Variants in HEATR5A observed in about 807,000 individuals in gnomAD.
HEATR5A encodes the protein HEAT repeat containing 5A.
Under a neutral mutation model 218.8 loss-of-function variants are expected in HEATR5A, and 178 were observed. The ratio of observed to expected loss-of-function variants is 0.81; its 90% confidence interval spans 0.72 to 0.92. HEATR5A has a LOEUF of 0.92. Among genes scored for constraint, HEATR5A ranks in the 40% least tolerant of loss-of-function variants. The pLI, the probability that HEATR5A is intolerant of heterozygous loss-of-function variation, is 0.00. For missense variants in HEATR5A, 2,420 were observed against 2,418.9 expected (o/e 1.00, Z -0.01); for synonymous variants, 864 against 871.6 (o/e 0.99, Z 0.15).
At chr14:31,398,396 G>A (rs2030739698) in intron 4 of HEATR5A, among the ~76,000 whole-genome samples, 1 of 152,204 alleles carries the variant, frequency 6.6e-6, no homozygotes, top group Non-Finnish European at 1.5e-5. Context: ...TGGAGTAAGA[G>A]GAGAGAGTAG....
At chr14:31,360,874 T>C (rs1204483408) in intron 14 of HEATR5A, among the ~76,000 whole-genome samples, 1 of 152,146 alleles carries the variant, frequency 6.6e-6, no homozygotes. Flanking sequence ...CTCACAATAT[T>C]GTCCAGGCTA....
intron 25 of HEATR5A, among the ~76,000 whole-genome samples, chr14:31,318,920 G>C (rs1350576935): frequency 1.3e-5 from 2 of 152,196 alleles, no homozygotes; most frequent in African/African-American, 4.8e-5. Context: ...GTATCTTTCT[G>C]AGGCCCTGGG....
chr14:31,362,631 A>G lies in HEATR5A; in HGVS notation c.2071+1558T>C, dbSNP rs1482116185. Among the ~76,000 whole-genome samples the G allele has an allele frequency of 6.7e-5, 9 of 134,834 alleles. No homozygotes were observed. The Admixed American group carries it at 6.7e-4, about 10-fold the overall frequency. The allele number at this position is 134,834 out of a possible 152,430, so 88.5% of individuals were successfully genotyped here. A position where few individuals can be genotyped will look rare whatever the true frequency, so the allele number is the denominator to read the frequency against. On this transcript the variant is annotated intron_variant, in intron 14 of 35. Transcript: ENST00000543095. ...CAAAAAAAAAAAAAAAAAAAAAAAAACTAGCTGGGAGTGGTGGTGTACACC... is the reference window on the plus strand; with the variant it reads ...CAAAAAAAAAAAAAAAAAAAAAAAAGCTAGCTGGGAGTGGTGGTGTACACC...
At chr14:31,368,856 C>A (rs1288673494) in intron 13 of HEATR5A, among the ~76,000 whole-genome samples, 1 of 151,922 alleles carries the variant, frequency 6.6e-6, no homozygotes, top group Non-Finnish European at 1.5e-5. Flanking sequence ...GCCACTGCCC[C>A]AGCCAGGAAG....
At chr14:31,368,421 G>A (rs1901884926) in intron 13 of HEATR5A, among the ~76,000 whole-genome samples, 1 of 152,146 alleles carries the variant, frequency 6.6e-6, no homozygotes, top group Non-Finnish European at 1.5e-5. Context: ...GACTAAGACA[G>A]ATCCCTAGCT....
intron 22 of HEATR5A, 110 bp from the exon 23 acceptor site, chr14:31,326,452 G>A: frequency 1.3e-6 from 1 of 776,550 alleles, no homozygotes; most frequent in Non-Finnish European, 2.1e-6. Flanking sequence ...ACATCTTAAA[G>A]AACTAGCCCA....
chr14:31,380,124 C>T (rs1233288113), intron 11 of HEATR5A, among the ~76,000 whole-genome samples: 1 of 152,022 alleles, frequency 6.6e-6, no homozygotes, highest in Non-Finnish European at 1.5e-5. Flanking sequence ...TGTTCTTTTG[C>T]CTATATTGTG....
At chr14:31,398,456 A>G (rs950558270) in intron 4 of HEATR5A, among the ~76,000 whole-genome samples, 3 of 152,222 alleles carry the variant, frequency 2.0e-5, no homozygotes, top group Admixed American at 1.3e-4. Context: ...TTGGATTTAT[A>G]TGAATACATG....
chr14:31,334,482 A>G (rs563714322), intron 22 of HEATR5A: 193 of 455,474 alleles, frequency 4.2e-4, no homozygotes, highest in South Asian at 2.8e-3. Flanking sequence ...CAAAGGATTC[A>G]GAATATTACG....
chr14:31,417,926 C>T (rs934499632), intron 1 of HEATR5A, among the ~76,000 whole-genome samples: 1 of 152,080 alleles, frequency 6.6e-6, no homozygotes, highest in Admixed American at 6.6e-5. Context: ...AAAAGTGAGG[C>T]TGGGCGCAGT....
intron 1 of HEATR5A, chr14:31,420,129 T>G (rs984945428): frequency 6.6e-6 from 1 of 152,382 alleles, no homozygotes; most frequent in African/African-American, 2.4e-5. Context: ...CGGCTCCCGC[T>G]GGCGGGCAGA....
At chr14:31,400,636 G>T in intron 2 of HEATR5A, 124 bp from the exon 3 acceptor site, 2 of 649,558 alleles carry the variant, frequency 3.1e-6, no homozygotes, top group Non-Finnish European at 5.0e-6. Flanking sequence ...AACTTACTTT[G>T]ACTGGAAGTT....
At chr14:31,342,985 T>A (rs1900886922) in intron 21 of HEATR5A, among the ~76,000 whole-genome samples, 1 of 152,176 alleles carries the variant, frequency 6.6e-6, no homozygotes, top group Admixed American at 6.5e-5. Flanking sequence ...CTACGAATAC[T>A]GCAGGAGTAG....
chr14:31,295,781 C>A, intron 34 of HEATR5A, 128 bp downstream of exon 34: 3 of 711,268 alleles, frequency 4.2e-6, no homozygotes, highest in Non-Finnish European at 7.0e-6. Context: ...AGAAATTAAT[C>A]TTAAATCTAA....
At chr14:31,401,326 T>C (rs1263240195) in intron 2 of HEATR5A, among the ~76,000 whole-genome samples, 5 of 152,138 alleles carry the variant, frequency 3.3e-5, no homozygotes, top group Non-Finnish European at 2.9e-5. Context: ...TTTAAAAGTG[T>C]GTGACACTTC....
chr14:31,306,424 A>C (rs568239181), intron 31 of HEATR5A, among the ~76,000 whole-genome samples: 2 of 152,320 alleles, frequency 1.3e-5, no homozygotes, highest in South Asian at 4.1e-4. Context: ...TTGAGGCTGC[A>C]GTGAGGCGAG....
rs374517503 is a variant in HEATR5A, at chr14:31,394,043, T to C, written c.772+9A>G. ...AGAAGAGACTTTGAAAATAATTACA[T>C]GTATTTACCTGTTCCTGGATGTTTA... On this transcript the variant is annotated intron_variant, in intron 6 of 35. Coordinates refer to ENST00000543095, the MANE Select transcript of HEATR5A (RefSeq NM_015473.4). 3.8e-5 allele frequency: 56 copies of C among 1,473,502 alleles called. 1 individual carries two copies. Among genetic ancestry groups the C allele is most frequent in the African/African-American group, 3.5e-4 (25 of 70,672 alleles). The allele number at this position is 1,473,502 out of a possible 1,614,324, so 91.3% of individuals were successfully genotyped here.
In HEATR5A at chr14:31,329,743, C is replaced by T. The variant is rs1005118250; in HGVS notation, c.3368-3401G>A. On this transcript the variant is annotated intron_variant, in intron 22 of 35. Coordinates refer to ENST00000543095, the MANE Select transcript of HEATR5A (RefSeq NM_015473.4). The stretch of plus-strand genomic sequence containing the variant: ...TTCTTATTTTTTTGAGATGGAGTCT[C>T]GCTCTGTCATCCAGTCTAGAGTGCA... Among the ~76,000 whole-genome samples, 7 of 152,274 alleles carry T rather than the reference C, an allele frequency of 4.6e-5. No individual in the cohort carries two copies. In the East Asian group the frequency reaches 7.7e-4, roughly 17 times the overall value.
chr14:31,417,263 A>G (rs545307548), intron 1 of HEATR5A, among the ~76,000 whole-genome samples: 84 of 152,236 alleles, frequency 5.5e-4, no homozygotes, highest in Middle Eastern at 3.4e-3. Context: ...CCCTAGACTT[A>G]CAAAAGGCTA....
Sources: gnomAD v4.1 joint callset for allele counts (sites outside exome capture counted in the v4.1 genomes callset) on GRCh38, gnomAD v4.1.1 for gene constraint, MANE v1.5 for transcripts, NCBI Gene and HGNC (gene_info 2026-07-23, HGNC 2026-07-21) for gene names.